Variants in SMURF1 observed in about 807,000 individuals in gnomAD.
SMURF1 encodes SMAD specific E3 ubiquitin protein ligase 1, also known as E3 ubiquitin-protein ligase SMURF1.
SMURF1 carries 44 observed loss-of-function variants against 98.0 expected under a neutral mutation model. That is an observed-to-expected ratio of 0.45 (90% CI 0.35 to 0.58). The LOEUF is 0.58. SMURF1 is among the 20% of genes least tolerant of loss of function. The pLI is 0.00. For missense variants in SMURF1, 687 were observed against 938.4 expected, an observed-to-expected ratio of 0.73 and a Z score of 3.50; for synonymous variants, 396 against 374.9, an observed-to-expected ratio of 1.06 and a Z score of -0.65.
intron 1 of SMURF1, among the ~76,000 whole-genome samples, chr7:99,141,935 T>C (rs536748967): frequency 6.6e-5 from 10 of 152,236 alleles, no homozygotes; most frequent in Non-Finnish European, 1.3e-4. Flanking sequence ...GAATGAACTT[T>C]TTAGTTTCCT....
chr7:99,058,407 G>C (rs892431620), intron 3 of SMURF1, among the ~76,000 whole-genome samples: 4 of 152,168 alleles, frequency 2.6e-5, no homozygotes, highest in Non-Finnish European at 5.9e-5. Context: ...TTAGATTACA[G>C]GTGTGAGCCA....
chr7:99,053,969 C>G (rs971378274), intron 6 of SMURF1, among the ~76,000 whole-genome samples: 5 of 152,048 alleles, frequency 3.3e-5, no homozygotes, highest in Admixed American at 6.6e-5. Flanking sequence ...CTTGCTGTGT[C>G]GCCCAAGGTG....
At chr7:99,141,393 T>A (rs117439848) in intron 1 of SMURF1, among the ~76,000 whole-genome samples, 1 of 152,226 alleles carries the variant, frequency 6.6e-6, no homozygotes, top group Non-Finnish European at 1.5e-5. Context: ...ACAAGATAAC[T>A]GAAACCAATC....
chr7:99,080,828 G>C (rs1278585695), intron 1 of SMURF1, among the ~76,000 whole-genome samples: 1 of 152,134 alleles, frequency 6.6e-6, no homozygotes, highest in Non-Finnish European at 1.5e-5. Context: ...TGTCCTTCCA[G>C]GAAAACAGAA....
In SMURF1 at chr7:99,032,900, T is replaced by G; in HGVS notation, c.2096+137A>C. On this transcript the variant is annotated intron_variant, in intron 17 of 17. Transcript: ENST00000361368. ...ATTTCTCCTTCTGTCTCAGGTGCTG[T>G]GGCTTTTGAGTTCTGATGATGACAA... The G allele has an allele frequency of 1.9e-5, 20 of 1,033,134 alleles. No individual in the cohort carries two copies. The South Asian group carries it at 2.9e-4, about 15-fold the overall frequency. 64.0% of individuals were successfully genotyped at this position (1,033,134 alleles called of 1,614,324 possible). A position where few individuals can be genotyped will look rare whatever the true frequency, so the allele number is the denominator to read the frequency against.
At chr7:99,032,624 GTGCCAC>G (rs988635064) in intron 17 of SMURF1, among the ~76,000 whole-genome samples, 1 of 152,210 alleles carries the variant, frequency 6.6e-6, no homozygotes, top group African/African-American at 2.4e-5. Flanking sequence ...AGCCGAGATC[GTGCCAC>G]TGCACTCCAT....
At position 99,040,545 on chromosome 7, in the gene SMURF1, A is replaced by G. The variant is rs1207395964; in HGVS notation, c.1383T>C (p.Ser461=). Residue 461 remains serine (S), a synonymous_variant, in exon 13 of 18, where the codon TCT becomes TCC. Transcript: ENST00000361368. ...PDSSINPDHL[S]YFHFVGRIMG... ...TGATCCGCCCCACAAAGTGGAAATAAGACAAGTGGTCCTGTAGGGGGCACC... is the reference window on the plus strand; with the variant it reads ...TGATCCGCCCCACAAAGTGGAAATAGGACAAGTGGTCCTGTAGGGGGCACC... 12 of 1,485,156 alleles carry G rather than the reference A, an allele frequency of 8.1e-6. No homozygotes were observed. Among genetic ancestry groups the G allele is most frequent in the Non-Finnish European group, 1.1e-5 (12 of 1,116,100 alleles). The allele number at this position is 1,485,156 out of a possible 1,614,324, so 92.0% of individuals were successfully genotyped here. A position where few individuals can be genotyped will look rare whatever the true frequency, so the allele number is the denominator to read the frequency against.
intron 11 of SMURF1, among the ~76,000 whole-genome samples, chr7:99,042,892 A>C (rs1227098259): frequency 6.6e-6 from 1 of 152,272 alleles, no homozygotes; most frequent in Non-Finnish European, 1.5e-5. Flanking sequence ...ACAAATGCAG[A>C]TAATCTGTCC....
intron 12 of SMURF1, among the ~76,000 whole-genome samples, chr7:99,041,031 AAG>A (rs908551795): frequency 2.6e-5 from 4 of 152,108 alleles, no homozygotes; most frequent in African/African-American, 9.7e-5. Context: ...AAGAGAGGGA[AAG>A]AGAGGGAGGG....
intron 1 of SMURF1, among the ~76,000 whole-genome samples, chr7:99,070,222 C>T (rs1009017035): frequency 1.3e-5 from 2 of 152,178 alleles, no homozygotes; most frequent in African/African-American, 4.8e-5. Flanking sequence ...CACAACTGAG[C>T]CCCAAGGACG....
chr7:99,122,630 C>T (rs1400207512), intron 1 of SMURF1, among the ~76,000 whole-genome samples: 18 of 122,052 alleles, frequency 1.5e-4, no homozygotes, highest in Non-Finnish European at 3.4e-5. Context: ...GGTGACAGAG[C>T]GAGATTCCGT....
Position 99,045,766 on chromosome 7 carries a change from T to C in SMURF1, c.1188A>G (p.Lys396=), listed in dbSNP as rs1032284575. Residue 396 remains lysine (K), a synonymous_variant, in exon 11 of 18, where the codon AAA becomes AAG. Transcript: ENST00000361368. ...TCACCATCAGCCGTTTTTTCAAGTC[T>C]TTCGGTCGCATCTTCATTATCTGGC... The part of the protein sequence containing the change: ...SYRQIMKMRP[K]DLKKRLMVKF... 2 of 1,614,216 alleles carry C rather than the reference T, an allele frequency of 1.2e-6. No homozygotes were observed. Among genetic ancestry groups the C allele is most frequent in the Non-Finnish European group, 8.5e-7 (1 of 1,180,024 alleles).
chr7:99,051,545 A>ATAC, intron 7 of SMURF1, 104 bp from the exon 8 acceptor site: 1 of 868,318 alleles, frequency 1.2e-6, no homozygotes, highest in Non-Finnish European at 1.9e-6. Flanking sequence ...AATCTAGATA[A>ATAC]CACTCCCCTC....
intron 1 of SMURF1, among the ~76,000 whole-genome samples, chr7:99,078,631 G>A (rs551916211): frequency 1.1e-4 from 16 of 152,182 alleles, no homozygotes; most frequent in Non-Finnish European, 2.2e-4. Context: ...CCTTAGCTCC[G>A]CCTCCTGTCA....
At chr7:99,092,797 C>A (rs192085143) in intron 1 of SMURF1, among the ~76,000 whole-genome samples, 1 of 152,288 alleles carries the variant, frequency 6.6e-6, no homozygotes, top group East Asian at 1.9e-4. Context: ...TATCTTTAAA[C>A]AGAAGCACAC....
chr7:99,037,844 G>A (rs1795206508), intron 14 of SMURF1, among the ~76,000 whole-genome samples: 1 of 152,174 alleles, frequency 6.6e-6, no homozygotes, highest in Non-Finnish European at 1.5e-5. Flanking sequence ...TGAGGCCAGG[G>A]GTTCGAGACC....
chr7:99,084,886 G>A (rs559734649), intron 1 of SMURF1, among the ~76,000 whole-genome samples: 59 of 152,062 alleles, frequency 3.9e-4, no homozygotes, highest in Non-Finnish European at 6.9e-4. Context: ...ATGGGGGTGG[G>A]GTTCTCATGA....
intron 15 of SMURF1, 156 bp from the exon 16 acceptor site, chr7:99,035,872 A>G: frequency 1.4e-6 from 1 of 723,176 alleles, no homozygotes; most frequent in Non-Finnish European, 2.3e-6. Flanking sequence ...GAAAGCTACA[A>G]ACAGGAGGCC....
chr7:99,094,443 G>A (rs75539767), intron 1 of SMURF1, among the ~76,000 whole-genome samples: 3,182 of 152,186 alleles, frequency 0.021, 110 homozygotes, highest in African/African-American at 0.07. Flanking sequence ...TTTATCATAA[G>A]CCCAGGAGAC....
Sources: gnomAD v4.1 joint callset for allele counts (sites outside exome capture counted in the v4.1 genomes callset) on GRCh38, gnomAD v4.1.1 for gene constraint, MANE v1.5 for transcripts, NCBI Gene and HGNC (gene_info 2026-07-23, HGNC 2026-07-21) for gene names.